The following NIBAN1 variants were observed in gnomAD, a reference collection of about 807,000 sequenced individuals.
NIBAN1 encodes the protein niban apoptosis regulator 1.
NIBAN1 carries 81 observed loss-of-function variants against 75.1 expected under a neutral mutation model. That is an observed-to-expected ratio of 1.08 (90% CI 0.90 to 1.30). The LOEUF (loss-of-function observed/expected upper bound fraction) is 1.30. NIBAN1 is among the 50% of genes most tolerant of loss of function. NIBAN1 has a pLI of 0.00. For missense variants in NIBAN1, 1,133 were observed against 1,128.1 expected, an observed-to-expected ratio of 1.00 and a Z score of -0.06; for synonymous variants, 436 against 424.8, an observed-to-expected ratio of 1.03 and a Z score of -0.32.
chr1:184,885,700 C>T (rs1157377381), intron 4 of NIBAN1, among the ~76,000 whole-genome samples: 1 of 152,182 alleles, frequency 6.6e-6, no homozygotes, highest in Non-Finnish European at 1.5e-5. Context: ...TTATTCTCAC[C>T]TCAGTCTGAT....
intron 1 of NIBAN1, among the ~76,000 whole-genome samples, chr1:184,914,721 C>CTT (rs35169090): frequency 5.5e-5 from 7 of 126,370 alleles, no homozygotes; most frequent in South Asian, 2.5e-4. Context: ...AGTTAACTTT[C>CTT]TTTTTTTTTT....
intron 1 of NIBAN1, among the ~76,000 whole-genome samples, chr1:184,963,123 A>G (rs1312534171): frequency 6.6e-6 from 1 of 152,128 alleles, no homozygotes. Flanking sequence ...AATTTTTTAA[A>G]GACATTTCAC....
chr1:184,835,439 G>C (rs1040942515), intron 5 of NIBAN1, among the ~76,000 whole-genome samples: 33 of 152,212 alleles, frequency 2.2e-4, no homozygotes, highest in Non-Finnish European at 5.9e-5. Context: ...TTGGGCAGTA[G>C]GCCATTTTCA....
At chr1:184,804,799 G>GTTTTTT (rs1337071677) in intron 11 of NIBAN1, among the ~76,000 whole-genome samples, 1 of 129,298 alleles carries the variant, frequency 7.7e-6, no homozygotes, top group Non-Finnish European at 1.7e-5. Context: ...TTTGTTTTTT[G>GTTTTTT]TTTTTTGAGA....
intron 4 of NIBAN1, among the ~76,000 whole-genome samples, chr1:184,886,169 C>A (rs1656519853): frequency 1.3e-5 from 2 of 152,202 alleles, no homozygotes; most frequent in Non-Finnish European, 1.5e-5. Context: ...CTCTGGGATG[C>A]CTTTGCTGGC....
At chr1:184,826,732 G>A (rs1654851140) in intron 6 of NIBAN1, among the ~76,000 whole-genome samples, 1 of 152,158 alleles carries the variant, frequency 6.6e-6, no homozygotes, top group African/African-American at 2.4e-5. Flanking sequence ...CCATTTGGGT[G>A]GGCTTATAGT....
chr1:184,935,791 T>G (rs1038372197), intron 1 of NIBAN1, among the ~76,000 whole-genome samples: 4 of 53,098 alleles, frequency 7.5e-5, no homozygotes, highest in African/African-American at 1.5e-4. Flanking sequence ...AGAGTTAGGG[T>G]TTTTTTTTTT....
intron 13 of NIBAN1, among the ~76,000 whole-genome samples, chr1:184,797,096 G>GAT (rs886188702): frequency 2.0e-4 from 30 of 149,406 alleles, no homozygotes; most frequent in Admixed American, 1.7e-3. Context: ...AAGGAGACCA[G>GAT]ATATGTTTCA....
chr1:184,899,199 A>T lies in NIBAN1; in HGVS notation c.166T>A (p.Ser56Thr). 1 of 1,613,930 alleles carries T rather than the reference A, an allele frequency of 6.2e-7. No homozygotes were observed. Among genetic ancestry groups the T allele is most frequent in the East Asian group, 2.2e-5 (1 of 44,888 alleles). ...TEVEQQRDLTSQFLKTKPPLA... is the reference protein window; with the variant it reads ...TEVEQQRDLTTQFLKTKPPLA... ...CTTACCTTGGTCTTCAAAAACTGTG[A>T]CGTTAAATCTCTTTGCTGTTCTACT... The change falls in exon 2 of 14, where the codon TCA becomes ACA. Residue 56 changes from serine to threonine, a missense_variant. Ser to Thr is a moderately conservative substitution (Grantham distance 58). Transcript: ENST00000367511.
intron 1 of NIBAN1, among the ~76,000 whole-genome samples, chr1:184,903,733 CTTTTTT>C (rs368105582): frequency 2.0e-5 from 2 of 99,922 alleles, no homozygotes; most frequent in Admixed American, 1.2e-4. Flanking sequence ...CCGATTAAAC[CTTTTTT>C]TTTTTTTTTT....
chr1:184,974,360 C>T lies in NIBAN1; in HGVS notation c.-4G>A, dbSNP rs768035957. The T allele has an allele frequency of 6.4e-7, 1 of 1,556,174 alleles. No individual in the cohort carries two copies. Among genetic ancestry groups the T allele is most frequent in the African/African-American group, 1.4e-5 (1 of 73,510 alleles). On this transcript the variant is annotated 5_prime_UTR_variant, in exon 1 of 14. Coordinates refer to ENST00000367511, the MANE Select transcript of NIBAN1 (RefSeq NM_052966.4). ...GGCTGGAGGCTGAGCCGCCCATGAC[C>T]GCGAGCTGCCTGTGCTGAGCGCGGA...
rs144854827 is a variant in NIBAN1, at chr1:184,974,344, C to G, written c.13G>C (p.Ala5Pro). The change falls in exon 1 of 14, where the codon GCC (alanine) becomes CCC (proline). Residue 5 changes from alanine (A) to proline (P), a missense_variant. Physicochemically the swap from Ala to Pro is conservative, Grantham distance 27. Coordinates refer to ENST00000367511, the MANE Select transcript of NIBAN1 (RefSeq NM_052966.4). MGGS[A>P]SSQLDEGKCA... is the part of the protein sequence containing the mutation. The stretch of plus-strand genomic sequence containing the variant: ...TTGCCCTCGTCCAGCTGGCTGGAGG[C>G]TGAGCCGCCCATGACCGCGAGCTGC... The G allele has an allele frequency of 1.7e-4, 270 of 1,562,862 alleles. 1 individual carries two copies. The African/African-American group carries it at 2.0e-3, about 11-fold the overall frequency.
At chr1:184,882,379 A>T (rs1402810979) in intron 5 of NIBAN1, among the ~76,000 whole-genome samples, 1 of 152,194 alleles carries the variant, frequency 6.6e-6, no homozygotes, top group African/African-American at 2.4e-5. Flanking sequence ...GAGGCGAGAA[A>T]AGAAAGGTCT....
In NIBAN1 at chr1:184,936,021, G is replaced by GAA. The variant is rs371040471; in HGVS notation, c.56-36714_56-36713dup. 5.8e-3 allele frequency among the ~76,000 whole-genome samples: 716 copies of GAA among 124,464 alleles called. 2 individuals are homozygous for GAA. Among genetic ancestry groups the GAA allele is most frequent in the Non-Finnish European group, 6.4e-3 (371 of 57,908 alleles). 81.7% of individuals were successfully genotyped at this position (124,464 alleles called of 152,430 possible). On this transcript the variant is annotated intron_variant, in intron 1 of 13. Coordinates refer to ENST00000367511, the MANE Select transcript of NIBAN1 (RefSeq NM_052966.4). ...AACCCAACCTATTTTTGTGATAGATGAAAAAAAAAAAAAAACAGGGGAAAC... is the reference window on the plus strand; with the variant it reads ...AACCCAACCTATTTTTGTGATAGATGAAAAAAAAAAAAAAAAACAGGGGAAAC...
chr1:184,838,297 G>GAT (rs1381382220), intron 5 of NIBAN1, among the ~76,000 whole-genome samples: 1 of 152,168 alleles, frequency 6.6e-6, no homozygotes, highest in Non-Finnish European at 1.5e-5. Flanking sequence ...TAAAAACTGT[G>GAT]ATTCTGTCCC....
At chr1:184,971,597 G>T (rs965198307) in intron 1 of NIBAN1, among the ~76,000 whole-genome samples, 2 of 152,074 alleles carry the variant, frequency 1.3e-5, no homozygotes, top group Non-Finnish European at 2.9e-5. Flanking sequence ...TTGGACCAGG[G>T]AGTCAGAGGT....
intron 12 of NIBAN1, among the ~76,000 whole-genome samples, chr1:184,798,731 C>T (rs1653946793): frequency 6.6e-6 from 1 of 152,088 alleles, no homozygotes; most frequent in African/African-American, 2.4e-5. Flanking sequence ...TCAAGGAGAA[C>T]ATTTCCATCA....
chr1:184,842,837 C>T (rs1207626554), intron 5 of NIBAN1, among the ~76,000 whole-genome samples: 2 of 151,606 alleles, frequency 1.3e-5, no homozygotes, highest in African/African-American at 4.9e-5. Flanking sequence ...GAATTGGATC[C>T]AGGAATCTGT....
At chr1:184,932,553 C>T (rs987800816) in intron 1 of NIBAN1, among the ~76,000 whole-genome samples, 30 of 152,252 alleles carry the variant, frequency 2.0e-4, no homozygotes, top group African/African-American at 6.7e-4. Context: ...GATGAAGCTT[C>T]GCTTGCTCAT....
Sources: allele counts gnomAD v4.1 joint callset (sites outside exome capture counted in the v4.1 genomes callset), GRCh38; gene constraint gnomAD v4.1.1; transcripts MANE v1.5; gene names NCBI Gene and HGNC (gene_info 2026-07-23, HGNC 2026-07-21).